The following CCDC73 variants were observed in gnomAD, a reference collection of about 807,000 sequenced individuals.
CCDC73 encodes coiled-coil domain-containing protein 73.
A neutral mutation model predicts 116.5 loss-of-function variants in CCDC73; 95 were observed. That is an observed-to-expected ratio of 0.82 (90% CI 0.69 to 0.97). The LOEUF (loss-of-function observed/expected upper bound fraction) is 0.97, where lower values mean the gene tolerates loss of function less well. Among genes scored for constraint, CCDC73 ranks in the 50% least tolerant of loss-of-function variants. The pLI is 0.00. For missense variants in CCDC73, 1,066 were observed against 1,206.8 expected (o/e 0.88, Z 1.73); for synonymous variants, 398 against 401.3 (o/e 0.99, Z 0.10).
upstream of CCDC73, among the ~76,000 whole-genome samples, chr11:32,795,328 G>A (rs1048933657): frequency 3.3e-5 from 5 of 151,780 alleles, no homozygotes; most frequent in African/African-American, 4.8e-5. Context: ...AAAATCAGCC[G>A]GGCATGGTGG....
chr11:32,622,724 G>A (rs539472459), intron 14 of CCDC73, among the ~76,000 whole-genome samples: 16 of 148,128 alleles, frequency 1.1e-4, no homozygotes, highest in Admixed American at 2.7e-4. Flanking sequence ...TCACTTGGGC[G>A]GGGTGGGGGG....
At position 32,677,262 on chromosome 11, in the gene CCDC73, T is replaced by A. The variant is rs115301356; in HGVS notation, c.430-1241A>T. Among the ~76,000 whole-genome samples, 1,088 of 152,304 alleles carry A rather than the reference T, an allele frequency of 7.1e-3. 16 individuals carry two copies. Among genetic ancestry groups the A allele is most frequent in the African/African-American group, 0.025 (1,049 of 41,560 alleles). Reference sequence around the variant, plus strand: ...CATTTCCCTTACCTAACAGCACCACTATTTACTTTATTGAAATACTTTTTC... The same window carrying A: ...CATTTCCCTTACCTAACAGCACCACAATTTACTTTATTGAAATACTTTTTC... On this transcript the variant is annotated intron_variant, in intron 7 of 17. Coordinates refer to ENST00000335185, the MANE Select transcript of CCDC73 (RefSeq NM_001008391.4).
chr11:32,787,649 CCTT>C (rs1207954145), intron 1 of CCDC73, among the ~76,000 whole-genome samples: 1 of 152,062 alleles, frequency 6.6e-6, no homozygotes, highest in Non-Finnish European at 1.5e-5. Flanking sequence ...AAGCCTGTCT[CCTT>C]CATACATAAT....
intron 2 of CCDC73, among the ~76,000 whole-genome samples, chr11:32,725,119 CTT>C (rs796894622): frequency 6.9e-6 from 1 of 145,060 alleles, no homozygotes. Flanking sequence ...AAGAAGATGT[CTT>C]TTTTTTTTTA....
intron 6 of CCDC73, among the ~76,000 whole-genome samples, chr11:32,688,903 T>C (rs997170459): frequency 6.6e-6 from 1 of 151,978 alleles, no homozygotes; most frequent in African/African-American, 2.4e-5. Context: ...AGAAAACCCA[T>C]AGTCAGAGTT....
At chr11:32,671,496 CT>C (rs1027027662) in intron 9 of CCDC73, among the ~76,000 whole-genome samples, 3 of 151,186 alleles carry the variant, frequency 2.0e-5, no homozygotes, top group Non-Finnish European at 4.4e-5. Context: ...TGGAAATTGT[CT>C]TTGGGAGAAT....
intron 3 of CCDC73, among the ~76,000 whole-genome samples, chr11:32,708,398 G>A (rs1294025530): frequency 1.3e-5 from 2 of 152,032 alleles, no homozygotes; most frequent in East Asian, 3.8e-4. Context: ...CTCTTTTTTG[G>A]TTCCATATGA....
the CCDC73 span, among the ~76,000 whole-genome samples, chr11:32,827,744 A>G: frequency 6.6e-6 from 1 of 152,352 alleles, no homozygotes; most frequent in South Asian, 2.1e-4. Flanking sequence ...CAGTTCTTGC[A>G]CTTGATAAGA....
chr11:32,783,509 G>A (rs762894330), intron 1 of CCDC73, among the ~76,000 whole-genome samples: 40 of 152,228 alleles, frequency 2.6e-4, no homozygotes, highest in Non-Finnish European at 4.6e-4. Context: ...TTTATTTCTC[G>A]CAGTTCTGGA....
intron 2 of CCDC73, among the ~76,000 whole-genome samples, chr11:32,733,939 T>C (rs1340825419): frequency 6.6e-6 from 1 of 152,036 alleles, no homozygotes; most frequent in East Asian, 1.9e-4. Flanking sequence ...CTGAAGTAGA[T>C]AGAGACACAA....
At chr11:32,767,165 C>T (rs1288258180) in intron 1 of CCDC73, among the ~76,000 whole-genome samples, 2 of 152,256 alleles carry the variant, frequency 1.3e-5, no homozygotes, top group East Asian at 3.9e-4. Context: ...GAAATAATAC[C>T]ACACATCTAC....
chr11:32,705,203 C>T (rs1357363309), intron 3 of CCDC73, among the ~76,000 whole-genome samples: 1 of 152,232 alleles, frequency 6.6e-6, no homozygotes, highest in East Asian at 1.9e-4. Flanking sequence ...AGCTGTAACA[C>T]AAACAGGCTA....
chr11:32,789,552 C>T (rs1385766586), intron 1 of CCDC73, among the ~76,000 whole-genome samples: 5 of 152,088 alleles, frequency 3.3e-5, no homozygotes, highest in Non-Finnish European at 7.3e-5. Flanking sequence ...AGGAGGATCG[C>T]TTGAGGCCAA....
chr11:32,685,432 T>C (rs138063369), intron 6 of CCDC73, among the ~76,000 whole-genome samples: 1 of 152,120 alleles, frequency 6.6e-6, no homozygotes, highest in Non-Finnish European at 1.5e-5. Context: ...CTTTCTGAGA[T>C]AGCAAATTCT....
At chr11:32,757,875 T>C (rs1850357039) in intron 2 of CCDC73, among the ~76,000 whole-genome samples, 1 of 152,216 alleles carries the variant, frequency 6.6e-6, no homozygotes, top group Non-Finnish European at 1.5e-5. Context: ...CTTAATTTAA[T>C]CACACCTACA....
At chr11:32,730,419 AT>A (rs916828608) in intron 2 of CCDC73, among the ~76,000 whole-genome samples, 3 of 151,984 alleles carry the variant, frequency 2.0e-5, no homozygotes, top group Non-Finnish European at 2.9e-5. Context: ...ATTTTTGAGG[AT>A]TTTTTTGCTG....
chr11:32,719,975 T>G (rs1317392281), intron 2 of CCDC73, among the ~76,000 whole-genome samples: 1 of 152,148 alleles, frequency 6.6e-6, no homozygotes. Context: ...ACCAAATATT[T>G]AAAGAATTAA....
chr11:32,803,687 T>C, the CCDC73 span, among the ~76,000 whole-genome samples: 1,923 of 152,324 alleles, frequency 0.013, 39 homozygotes, highest in African/African-American at 0.044. Flanking sequence ...TGCTATAGAT[T>C]TTTCTTTATA....
At chr11:32,689,369 A>G (rs1283517037) in intron 6 of CCDC73, among the ~76,000 whole-genome samples, 1 of 152,170 alleles carries the variant, frequency 6.6e-6, no homozygotes, top group Admixed American at 6.5e-5. Flanking sequence ...TACAGCCTCC[A>G]CTAAAGAGGG....
Sources: gnomAD v4.1 joint callset for allele counts (sites outside exome capture counted in the v4.1 genomes callset) on GRCh38, gnomAD v4.1.1 for gene constraint, MANE v1.5 for transcripts, NCBI Gene and HGNC (gene_info 2026-07-23, HGNC 2026-07-21) for gene names.